The following PRR16 variants were observed in gnomAD, a reference collection of about 807,000 sequenced individuals.
PRR16 encodes the protein proline rich 16.
Under a neutral mutation model 18.2 loss-of-function variants are expected in PRR16, and 6 were observed. The observed-to-expected ratio is 0.33, with a 90% CI of 0.18 to 0.65. The LOEUF is 0.65. PRR16 is among the 30% of genes least tolerant of loss of function. The pLI, the probability that PRR16 is intolerant of heterozygous loss-of-function variation, is 0.74. For synonymous variants in PRR16, 151 were observed against 147.8 expected, an observed-to-expected ratio of 1.02 and a Z score of -0.16; for missense variants, 412 against 376.6, an observed-to-expected ratio of 1.09 and a Z score of -0.78.
intron 1 of PRR16, among the ~76,000 whole-genome samples, chr5:120,634,054 G>A (rs1307017370): frequency 1.3e-5 from 2 of 152,026 alleles, no homozygotes; most frequent in African/African-American, 4.8e-5. Flanking sequence ...GTAAATTTAA[G>A]AAAATTGAAA....
At chr5:120,546,024 A>G (rs1752063945) in intron 1 of PRR16, among the ~76,000 whole-genome samples, 1 of 152,096 alleles carries the variant, frequency 6.6e-6, no homozygotes, top group Non-Finnish European at 1.5e-5. Context: ...TCACGATGAA[A>G]AGTGATTTTC....
the PRR16 span, among the ~76,000 whole-genome samples, chr5:120,768,889 AATTAAAAAAT>A: frequency 6.6e-6 from 1 of 151,762 alleles, no homozygotes; most frequent in African/African-American, 2.4e-5. Context: ...CTGTGAAGCT[AATTAAAAAAT>A]TAATTAAAAC....
chr5:120,772,555 G>A, the PRR16 span, among the ~76,000 whole-genome samples: 3 of 150,658 alleles, frequency 2.0e-5, no homozygotes, highest in East Asian at 5.8e-4. Context: ...AAAAAATTCT[G>A]CCACATTTTA....
At chr5:120,633,971 A>C (rs889909919) in intron 1 of PRR16, among the ~76,000 whole-genome samples, 5 of 152,168 alleles carry the variant, frequency 3.3e-5, no homozygotes, top group Admixed American at 2.6e-4. Flanking sequence ...ATTCTACCCA[A>C]CAATTGCAGA....
rs75423043 is a variant in PRR16, at chr5:120,542,698, T to C, written c.159+78053T>C. ...TCAGTAATGAGAAGAACCAGGATGG[T>C]ATATCTTATAATTACATAAGTATGT... On this transcript the variant is annotated intron_variant, in intron 1 of 1. Coordinates refer to ENST00000407149, the MANE Select transcript of PRR16 (RefSeq NM_001300783.2). Among the ~76,000 whole-genome samples the C allele has an allele frequency of 8.6e-3, 1,305 of 152,262 alleles. 16 individuals are homozygous for C. Among genetic ancestry groups the C allele is most frequent in the African/African-American group, 0.03 (1,236 of 41,568 alleles).
Position 120,674,253 on chromosome 5 carries a change from C to G in PRR16, c.160-11701C>G, listed in dbSNP as rs906723026. ...CTGTATATGCTGTTGTCTCTGCCCCCCTGCCCGCCCTCCAAAAAAGGCTGG... is the reference window on the plus strand; with the variant it reads ...CTGTATATGCTGTTGTCTCTGCCCCGCTGCCCGCCCTCCAAAAAAGGCTGG... On this transcript the variant is annotated intron_variant, in intron 1 of 1. Transcript: ENST00000407149. Among the ~76,000 whole-genome samples the G allele has an allele frequency of 5.3e-5, 8 of 152,144 alleles. No homozygotes were observed. The East Asian group carries it at 1.5e-3, about 29-fold the overall frequency.
rs1749933358 is a variant in PRR16 at position 120,489,283 on chromosome 5, G to A, written c.159+24638G>A. Among the ~76,000 whole-genome samples the A allele has an allele frequency of 2.0e-5, 3 of 152,298 alleles. No individual in the cohort carries two copies. The South Asian group carries it at 6.2e-4, about 32-fold the overall frequency. On this transcript the variant is annotated intron_variant, in intron 1 of 1. Coordinates refer to ENST00000407149, the MANE Select transcript of PRR16 (RefSeq NM_001300783.2). ...AGTCTCCCATTATTATTGTGTGGGAGTCTAAGTCTCTTTGTAGGTCTCTAA... is the reference window on the plus strand; with the variant it reads ...AGTCTCCCATTATTATTGTGTGGGAATCTAAGTCTCTTTGTAGGTCTCTAA...
At chr5:120,684,215 T>G (rs1327434550) in intron 1 of PRR16, among the ~76,000 whole-genome samples, 1 of 152,170 alleles carries the variant, frequency 6.6e-6, no homozygotes, top group Non-Finnish European at 1.5e-5. Flanking sequence ...TAGAAGAAAT[T>G]TGTTGAATTT....
At chr5:120,762,769 G>T in the PRR16 span, among the ~76,000 whole-genome samples, 4 of 152,088 alleles carry the variant, frequency 2.6e-5, no homozygotes. Context: ...TTGTGCAGAG[G>T]CATTTAATTT....
Position 120,464,428 on chromosome 5 carries a change from G to T in PRR16, c.-59G>T. On this transcript the variant is annotated 5_prime_UTR_variant, in exon 1 of 2. Transcript: ENST00000407149. ...CGGCCGTAGCAGCGCCAGGGACGGG[G>T]GCACGCAGCAGCCTCCGCTCGCCCG... The T allele has an allele frequency of 6.7e-7, 1 of 1,497,004 alleles. No homozygotes were observed. Among genetic ancestry groups the T allele is most frequent in the Non-Finnish European group, 8.9e-7 (1 of 1,122,156 alleles). The allele number at this position is 1,497,004 out of a possible 1,614,324, so 92.7% of individuals were successfully genotyped here.
At chr5:120,657,803 T>TC (rs1038953112) in intron 1 of PRR16, among the ~76,000 whole-genome samples, 1 of 151,982 alleles carries the variant, frequency 6.6e-6, no homozygotes, top group African/African-American at 2.4e-5. Context: ...GAACGCATGT[T>TC]CCCCCACCTA....
intron 1 of PRR16, among the ~76,000 whole-genome samples, chr5:120,491,854 T>C (rs559930229): frequency 6.6e-6 from 1 of 152,192 alleles, no homozygotes; most frequent in Non-Finnish European, 1.5e-5. Context: ...GACATACACT[T>C]TTTCTTCGTT....
chr5:120,488,698 A>T (rs2655065), intron 1 of PRR16, among the ~76,000 whole-genome samples: 108,455 of 151,720 alleles, frequency 0.71, 39,919 homozygotes, highest in East Asian at 0.96. Context: ...TAGCTTTTGA[A>T]TGTGTTTGCT....
the PRR16 span, among the ~76,000 whole-genome samples, chr5:120,769,700 T>C: frequency 6.6e-6 from 1 of 151,924 alleles, no homozygotes. Flanking sequence ...GACTTACTGA[T>C]TTCAATTCAT....
At chr5:120,610,607 A>G (rs913388789) in intron 1 of PRR16, among the ~76,000 whole-genome samples, 6 of 152,012 alleles carry the variant, frequency 3.9e-5, no homozygotes, top group Non-Finnish European at 5.9e-5. Context: ...TAGGTTTATC[A>G]GGGGTTTCTG....
intron 1 of PRR16, among the ~76,000 whole-genome samples, chr5:120,536,784 T>C (rs1303494762): frequency 6.6e-6 from 1 of 152,254 alleles, no homozygotes. Context: ...ATCTGAGCAA[T>C]TAGCACTGTA....
In PRR16 at chr5:120,661,506, C is replaced by CT. The variant is rs113193786; in HGVS notation, c.160-24439dup. On this transcript the variant is annotated intron_variant, in intron 1 of 1. Transcript: ENST00000407149. ...CAGAGAAATTAGCCTCTTGAATACTCTTTTTTTTTCTGTTCTGTAATAATG... is the reference window on the plus strand; with the variant it reads ...CAGAGAAATTAGCCTCTTGAATACTCTTTTTTTTTTCTGTTCTGTAATAATG... 5.3e-3 allele frequency among the ~76,000 whole-genome samples: 801 copies of CT among 151,438 alleles called. 2 individuals are homozygous for CT. Among genetic ancestry groups the CT allele is most frequent in the African/African-American group, 0.018 (760 of 41,330 alleles).
chr5:120,550,311 G>A (rs1256042310), intron 1 of PRR16, among the ~76,000 whole-genome samples: 1 of 152,004 alleles, frequency 6.6e-6, no homozygotes, highest in Admixed American at 6.6e-5. Flanking sequence ...AAATTGAGTA[G>A]AATAGAAATT....
chr5:120,645,209 T>C (rs1755547961), intron 1 of PRR16, among the ~76,000 whole-genome samples: 1 of 152,116 alleles, frequency 6.6e-6, no homozygotes, highest in Non-Finnish European at 1.5e-5. Context: ...TTCTTCTTTG[T>C]CTATGTCATC....
Sources: gnomAD v4.1 joint callset for allele counts (sites outside exome capture counted in the v4.1 genomes callset) on GRCh38, gnomAD v4.1.1 for gene constraint, MANE v1.5 for transcripts, NCBI Gene and HGNC (gene_info 2026-07-23, HGNC 2026-07-21) for gene names.